Variants in SERPINB10 observed in about 807,000 individuals in gnomAD.
SERPINB10 encodes serpin family B member 10.
In SERPINB10, 35 loss-of-function variants were observed where a neutral mutation model predicts 39.1. The ratio of observed to expected loss-of-function variants is 0.90; its 90% CI spans 0.68 to 1.19. The LOEUF (loss-of-function observed/expected upper bound fraction) is 1.19, where lower values mean the gene tolerates loss of function less well. Ranked by LOEUF, SERPINB10 falls within the 50% of genes most tolerant of loss-of-function variation. The pLI is 0.00. For synonymous variants in SERPINB10, 190 were observed against 158.1 expected (o/e 1.20, Z -1.52); for missense variants, 546 against 460.5 (o/e 1.19, Z -1.70).
intron 5 of SERPINB10, among the ~76,000 whole-genome samples, chr18:63,928,268 T>C (rs1173217384): frequency 1.3e-5 from 2 of 152,050 alleles, no homozygotes; most frequent in Non-Finnish European, 2.9e-5. Context: ...GGCCAAGAGG[T>C]TCTTCTCAAT....
At chr18:63,925,495 G>A (rs1049764829) in intron 5 of SERPINB10, among the ~76,000 whole-genome samples, 1 of 151,922 alleles carries the variant, frequency 6.6e-6, no homozygotes, top group African/African-American at 2.4e-5. Flanking sequence ...AAAATACTTG[G>A]GAATATGTCA....
intron 5 of SERPINB10, among the ~76,000 whole-genome samples, chr18:63,920,509 T>C (rs558044005): frequency 1.3e-5 from 2 of 152,140 alleles, no homozygotes; most frequent in South Asian, 4.1e-4. Context: ...CCTCAATACA[T>C]GGCTTCCATC....
intron 5 of SERPINB10, among the ~76,000 whole-genome samples, chr18:63,928,711 T>G (rs1257652037): frequency 6.6e-6 from 1 of 152,046 alleles, no homozygotes; most frequent in Non-Finnish European, 1.5e-5. Flanking sequence ...TGTATCCTCT[T>G]TTATTTCCTT....
At chr18:63,934,013 C>G (rs1469664915) in intron 7 of SERPINB10, among the ~76,000 whole-genome samples, 1 of 152,116 alleles carries the variant, frequency 6.6e-6, no homozygotes, top group Non-Finnish European at 1.5e-5. Flanking sequence ...GGACAAATAA[C>G]CATCAGAGTC....
At chr18:63,913,911 G>C (rs1038739798) in intron 1 of SERPINB10, among the ~76,000 whole-genome samples, 17 of 152,078 alleles carry the variant, frequency 1.1e-4, no homozygotes, top group African/African-American at 3.9e-4. Context: ...AGGTTGAAGA[G>C]TACTTGTCTT....
rs754654760 is a variant in SERPINB10, at chr18:63,935,025, C to T, written c.977C>T (p.Ser326Phe). The change falls in exon 8 of 8, where the codon TCT becomes TTT. Residue 326 changes from serine (S) to phenylalanine (F), a missense_variant. Ser to Phe is a radical substitution (Grantham distance 155). Transcript: ENST00000238508. ...AGCAAAGCTGATTTCTCAGGAATGTCTTCAGCAAGAAACCTATTTTTGTCC... is the reference window on the plus strand; with the variant it reads ...AGCAAAGCTGATTTCTCAGGAATGTTTTCAGCAAGAAACCTATTTTTGTCC... ...SQSKADFSGM[S>F]SARNLFLSNV... The T allele has an allele frequency of 1.1e-5, 17 of 1,614,100 alleles. No homozygotes were observed. The Admixed American group carries it at 1.7e-4, about 16-fold the overall frequency.
intron 5 of SERPINB10, among the ~76,000 whole-genome samples, chr18:63,924,587 G>C (rs1426353681): frequency 6.6e-6 from 1 of 151,944 alleles, no homozygotes; most frequent in East Asian, 1.9e-4. Context: ...CTAATTTGCA[G>C]TCAAAGTTAG....
intron 5 of SERPINB10, among the ~76,000 whole-genome samples, chr18:63,927,297 C>T (rs1311655598): frequency 6.6e-6 from 1 of 151,920 alleles, no homozygotes; most frequent in Non-Finnish European, 1.5e-5. Context: ...GGTTGAAGAT[C>T]AAAAGTATTT....
At chr18:63,914,509 A>G (rs1003608601) in intron 1 of SERPINB10, among the ~76,000 whole-genome samples, 3 of 152,134 alleles carry the variant, frequency 2.0e-5, no homozygotes. Context: ...TTATTTTGCC[A>G]TAAAATCAAA....
At chr18:63,923,985 C>G (rs997113515) in intron 5 of SERPINB10, among the ~76,000 whole-genome samples, 2 of 151,836 alleles carry the variant, frequency 1.3e-5, no homozygotes, top group Non-Finnish European at 2.9e-5. Context: ...TTGGTTATTT[C>G]TTTTTCATTA....
At chr18:63,930,414 G>A (rs1217111186) in intron 6 of SERPINB10, among the ~76,000 whole-genome samples, 2 of 152,086 alleles carry the variant, frequency 1.3e-5, no homozygotes, top group African/African-American at 2.4e-5. Flanking sequence ...ACCCATGTGA[G>A]CTGGGTAGGG....
chr18:63,915,644 G>T lies in SERPINB10; in HGVS notation c.134G>T (p.Gly45Val). The change falls in exon 2 of 8, where the codon GGC becomes GTC. Residue 45 changes from glycine (G) to valine (V), a missense_variant. Transcript: ENST00000238508. The stretch of plus-strand genomic sequence containing the variant: ...ACTTCCTTGACCATAGTGTATTTGG[G>T]CGCCAAAGGTACCACTGCAGCCCAA... ...ISTSLTIVYL[G>V]AKGTTAAQMA... 3.1e-6 allele frequency: 5 copies of T among 1,611,750 alleles called. No homozygotes were observed. The highest frequency in any genetic ancestry group is 3.4e-6 in the Non-Finnish European group (4 of 1,178,690).
rs190250482 is a variant in SERPINB10 at position 63,928,591 on chromosome 18, T to C, written c.491-1454T>C. ...AGTGAAAAAGAAGGAAGTATTTCAG[T>C]CCCCTCGAAATAGGGGTACATTGAA... On this transcript the variant is annotated intron_variant, in intron 5 of 7. Transcript: ENST00000238508. Among the ~76,000 whole-genome samples, 8 of 152,146 alleles carry C rather than the reference T, an allele frequency of 5.3e-5. No individual in the cohort carries two copies. In the East Asian group the frequency reaches 1.4e-3, roughly 26 times the overall value.
At chr18:63,918,708 C>A (rs1342932004) in intron 4 of SERPINB10, among the ~76,000 whole-genome samples, 1 of 151,992 alleles carries the variant, frequency 6.6e-6, no homozygotes, top group South Asian at 2.1e-4. Flanking sequence ...TCAAGCAATG[C>A]TATCTCTGTT....
At chr18:63,924,874 C>T (rs1020228358) in intron 5 of SERPINB10, among the ~76,000 whole-genome samples, 4 of 151,892 alleles carry the variant, frequency 2.6e-5, no homozygotes, top group African/African-American at 9.7e-5. Flanking sequence ...TTTAAACAAA[C>T]ATATGGTCTA....
chr18:63,933,746 G>A (rs191010596), intron 7 of SERPINB10, among the ~76,000 whole-genome samples: 303 of 152,262 alleles, frequency 2.0e-3, no homozygotes, highest in Admixed American at 3.9e-3. Context: ...TATTTAAGCT[G>A]TTTACCAGCT....
Position 63,930,881 on chromosome 18 carries a change from T to C in SERPINB10, c.633+694T>C, listed in dbSNP as rs577495088. 5.9e-5 allele frequency among the ~76,000 whole-genome samples: 9 copies of C among 152,262 alleles called. No individual in the cohort carries two copies. In the South Asian group the frequency reaches 1.9e-3, roughly 32 times the overall value. On this transcript the variant is annotated intron_variant, in intron 6 of 7. Transcript: ENST00000238508. ...CATTCCAAATTCCTAGGAAAGGAAC[T>C]AGTTGACCAAGGTTTGTTACAGTTG... is the stretch of plus-strand genomic sequence containing the variant.
intron 7 of SERPINB10, among the ~76,000 whole-genome samples, chr18:63,933,988 A>G (rs1162749776): frequency 6.6e-6 from 1 of 152,216 alleles, no homozygotes; most frequent in Non-Finnish European, 1.5e-5. Flanking sequence ...AGGATAGTGA[A>G]AATAAAACCA....
At chr18:63,910,246 C>A (rs1251747990) in intron 1 of SERPINB10, among the ~76,000 whole-genome samples, 1 of 151,996 alleles carries the variant, frequency 6.6e-6, no homozygotes, top group East Asian at 1.9e-4. Context: ...CTCTACACAA[C>A]TTTGGCATTA....
Sources: gnomAD v4.1 joint callset for allele counts (sites outside exome capture counted in the v4.1 genomes callset) on GRCh38, gnomAD v4.1.1 for gene constraint, MANE v1.5 for transcripts, NCBI Gene and HGNC (gene_info 2026-07-23, HGNC 2026-07-21) for gene names.